The following NSMCE2 variants were observed in gnomAD, a reference collection of about 807,000 sequenced individuals.
NSMCE2 encodes the protein NSE2 SUMO ligase component of SMC5/6 complex, also known as E3 SUMO-protein ligase NSE2.
Under a neutral mutation model 23.8 loss-of-function variants are expected in NSMCE2, and 24 were observed. That is an observed-to-expected ratio of 1.01 (90% CI 0.73 to 1.42). The LOEUF is 1.42. NSMCE2 is among the 40% of genes most tolerant of loss of function. The pLI is 0.00. For missense variants in NSMCE2, 284 were observed against 296.5 expected (o/e 0.96, Z 0.31); for synonymous variants, 92 against 94.1 (o/e 0.98, Z 0.13).
At chr8:125,213,683 CTCTT>C (rs933737311) in intron 5 of NSMCE2, among the ~76,000 whole-genome samples, 2 of 149,594 alleles carry the variant, frequency 1.3e-5, no homozygotes, top group Non-Finnish European at 3.0e-5. Context: ...CTTTCTCTCT[CTCTT>C]TCTTTCTCTT....
chr8:125,179,232 A>G (rs551253907), intron 4 of NSMCE2, among the ~76,000 whole-genome samples: 36 of 152,228 alleles, frequency 2.4e-4, no homozygotes, highest in African/African-American at 7.0e-4. Context: ...CTCCATCTCA[A>G]ATTTCTTTGA....
At chr8:125,314,425 G>A (rs1301396211) in intron 5 of NSMCE2, among the ~76,000 whole-genome samples, 3 of 152,254 alleles carry the variant, frequency 2.0e-5, no homozygotes, top group African/African-American at 7.2e-5. Flanking sequence ...AAGTAGCTGG[G>A]GTTATAGGCA....
intron 4 of NSMCE2, among the ~76,000 whole-genome samples, chr8:125,157,434 A>G (rs1821384879): frequency 6.6e-6 from 1 of 152,196 alleles, no homozygotes; most frequent in Admixed American, 6.5e-5. Context: ...TTAACCAGAG[A>G]AAGAAAGTTG....
At chr8:125,230,941 C>A (rs901769529) in intron 5 of NSMCE2, among the ~76,000 whole-genome samples, 1 of 152,050 alleles carries the variant, frequency 6.6e-6, no homozygotes, top group African/African-American at 2.4e-5. Context: ...GTACAACTGC[C>A]TTGGATCAAA....
intron 5 of NSMCE2, among the ~76,000 whole-genome samples, chr8:125,278,291 C>T (rs578075989): frequency 6.6e-6 from 1 of 152,270 alleles, no homozygotes; most frequent in South Asian, 2.1e-4. Flanking sequence ...ATCTTTGGGG[C>T]CCTTGAATGG....
chr8:125,134,199 CAG>C (rs1214765774), intron 3 of NSMCE2, among the ~76,000 whole-genome samples: 2 of 152,134 alleles, frequency 1.3e-5, no homozygotes, highest in Admixed American at 1.3e-4. Flanking sequence ...TCATACTTAA[CAG>C]AAAAACTGTA....
intron 5 of NSMCE2, among the ~76,000 whole-genome samples, chr8:125,303,947 T>C (rs896009649): frequency 2.0e-5 from 3 of 152,236 alleles, no homozygotes; most frequent in Non-Finnish European, 2.9e-5. Flanking sequence ...TTCTTTCTAG[T>C]GCTAAAAGAA....
At chr8:125,355,847 G>T (rs892363715) in intron 5 of NSMCE2, among the ~76,000 whole-genome samples, 1 of 151,896 alleles carries the variant, frequency 6.6e-6, no homozygotes, top group African/African-American at 2.4e-5. Context: ...GGTTTGGTTT[G>T]GTTTTTCAGT....
At chr8:125,182,347 G>C (rs1822870778) in intron 5 of NSMCE2, 91 bp downstream of exon 5, 1 of 957,448 alleles carries the variant, frequency 1.0e-6, no homozygotes, top group Non-Finnish European at 1.6e-6. Flanking sequence ...TATAAAGTTT[G>C]CTTATCTGCT....
intron 3 of NSMCE2, among the ~76,000 whole-genome samples, chr8:125,137,601 G>A (rs1421805288): frequency 6.6e-6 from 1 of 152,054 alleles, no homozygotes; most frequent in African/African-American, 2.4e-5. Context: ...TGGTTTCTCT[G>A]GCACAGTAGG....
At chr8:125,284,174 G>C (rs1260606372) in intron 5 of NSMCE2, among the ~76,000 whole-genome samples, 1 of 145,356 alleles carries the variant, frequency 6.9e-6, no homozygotes, top group Non-Finnish European at 1.5e-5. Flanking sequence ...AAAAAAGAAT[G>C]ACTCAAGTAA....
At chr8:125,202,608 C>A (rs893675377) in intron 5 of NSMCE2, among the ~76,000 whole-genome samples, 1 of 152,128 alleles carries the variant, frequency 6.6e-6, no homozygotes, top group African/African-American at 2.4e-5. Context: ...TGGGTTAAAT[C>A]AAATATTATA....
chr8:125,202,172 T>C (rs1343548061), intron 5 of NSMCE2, among the ~76,000 whole-genome samples: 1 of 152,188 alleles, frequency 6.6e-6, no homozygotes, highest in Non-Finnish European at 1.5e-5. Flanking sequence ...TGCGCTTCCT[T>C]CGTGAGGCAA....
chr8:125,345,303 C>T (rs928345311), intron 5 of NSMCE2, among the ~76,000 whole-genome samples: 5 of 152,204 alleles, frequency 3.3e-5, no homozygotes, highest in South Asian at 2.1e-4. Flanking sequence ...ATGACCTACA[C>T]GGTATAATGT....
chr8:125,281,837 C>G (rs910136681), intron 5 of NSMCE2, among the ~76,000 whole-genome samples: 1 of 151,936 alleles, frequency 6.6e-6, no homozygotes, highest in Non-Finnish European at 1.5e-5. Flanking sequence ...ACTTCTGCCT[C>G]CCAAAGTGCT....
At position 125,359,108 on chromosome 8, in the gene NSMCE2, TA is replaced by T. The variant is rs1348691814; in HGVS notation, c.626+1299del. The stretch of plus-strand genomic sequence containing the variant: ...GGTGAAACCCCGACTCTACTAAAAA[TA>T]AAAAAAAATTAGCCGGGCGTGGTGG... On this transcript the variant is annotated intron_variant, in intron 7 of 7. Coordinates refer to ENST00000287437, the MANE Select transcript of NSMCE2 (RefSeq NM_173685.4). Among the ~76,000 whole-genome samples the T allele has an allele frequency of 3.3e-5, 5 of 150,060 alleles. No homozygotes were observed. The South Asian group carries it at 6.4e-4, about 19-fold the overall frequency.
chr8:125,312,139 T>G (rs1828998199), intron 5 of NSMCE2, among the ~76,000 whole-genome samples: 1 of 147,576 alleles, frequency 6.8e-6, no homozygotes, highest in Non-Finnish European at 1.5e-5. Context: ...GAAAGAATAA[T>G]AAAAACTGTA....
intron 5 of NSMCE2, among the ~76,000 whole-genome samples, chr8:125,332,117 G>C (rs926844046): frequency 6.6e-6 from 1 of 152,106 alleles, no homozygotes; most frequent in African/African-American, 2.4e-5. Flanking sequence ...ATCAAGAACA[G>C]GAGTTGTACT....
chr8:125,093,399 G>A (rs1817770765), intron 1 of NSMCE2, among the ~76,000 whole-genome samples: 1 of 152,120 alleles, frequency 6.6e-6, no homozygotes, highest in Admixed American at 6.5e-5. Context: ...ATAGAAAACT[G>A]AAGAGAGGCC....
Sources: allele counts gnomAD v4.1 joint callset (sites outside exome capture counted in the v4.1 genomes callset), GRCh38; gene constraint gnomAD v4.1.1; transcripts MANE v1.5; gene names NCBI Gene and HGNC (gene_info 2026-07-23, HGNC 2026-07-21).